SUCLG2: variants seen among roughly 807,000 people sequenced by gnomAD.
The protein encoded by SUCLG2 is succinate--CoA ligase [GDP-forming] subunit beta, mitochondrial.
A neutral mutation model predicts 47.9 loss-of-function variants in SUCLG2; 42 were observed. That is an observed-to-expected ratio of 0.88 (90% confidence interval 0.69 to 1.14). The LOEUF (loss-of-function observed/expected upper bound fraction) is 1.14. Ranked by LOEUF, SUCLG2 falls within the 50% of genes most tolerant of loss-of-function variation. The pLI is 0.00. For missense variants in SUCLG2, 571 were observed against 525.9 expected (o/e 1.09, Z -0.84); for synonymous variants, 195 against 197.3 (o/e 0.99, Z 0.10).
At chr3:67,641,995 A>G (rs573115015) in intron 1 of SUCLG2, among the ~76,000 whole-genome samples, 1 of 152,300 alleles carries the variant, frequency 6.6e-6, no homozygotes, top group East Asian at 1.9e-4. Flanking sequence ...TCTTTTTATA[A>G]AGACACCAAT....
chr3:67,528,390 C>T (rs1706312236), intron 3 of SUCLG2, among the ~76,000 whole-genome samples, 168 bp from the exon 4 acceptor site: 1 of 152,178 alleles, frequency 6.6e-6, no homozygotes, highest in Non-Finnish European at 1.5e-5. Flanking sequence ...GTACTAGAGG[C>T]TCACTGAGAG....
At chr3:67,577,057 A>C (rs1707759170) in intron 2 of SUCLG2, among the ~76,000 whole-genome samples, 1 of 152,222 alleles carries the variant, frequency 6.6e-6, no homozygotes, top group Non-Finnish European at 1.5e-5. Flanking sequence ...AGTGCTGGCC[A>C]GGTGCAGTGG....
intron 9 of SUCLG2, among the ~76,000 whole-genome samples, chr3:67,457,536 T>C (rs1445535497): frequency 6.6e-6 from 1 of 152,106 alleles, no homozygotes; most frequent in Non-Finnish European, 1.5e-5. Flanking sequence ...TATTCTACCC[T>C]CCTACTTACA....
At chr3:67,528,048 T>TG in intron 4 of SUCLG2, 84 bp downstream of exon 4, 3 of 1,233,140 alleles carry the variant, frequency 2.4e-6, no homozygotes, top group Non-Finnish European at 3.5e-6. Flanking sequence ...AGTACTTCAT[T>TG]AGATTCTGTC....
intron 10 of SUCLG2, among the ~76,000 whole-genome samples, chr3:67,389,816 C>T (rs898450139): frequency 1.3e-5 from 2 of 152,078 alleles, no homozygotes; most frequent in Non-Finnish European, 2.9e-5. Context: ...TCTATTTGAC[C>T]TGACATTACA....
At chr3:67,376,541 T>C in intron 10 of SUCLG2, 1 of 956,726 alleles carries the variant, frequency 1.0e-6, no homozygotes. Flanking sequence ...AAGTGTCTAA[T>C]GAAATATCTC....
At chr3:67,640,510 T>G (rs1002293916) in intron 1 of SUCLG2, among the ~76,000 whole-genome samples, 8 of 152,204 alleles carry the variant, frequency 5.3e-5, no homozygotes, top group Admixed American at 2.0e-4. Flanking sequence ...ACTACGATTC[T>G]TCCTAGATGA....
intron 2 of SUCLG2, among the ~76,000 whole-genome samples, chr3:67,531,525 G>T (rs532928581): frequency 3.9e-5 from 6 of 152,182 alleles, no homozygotes; most frequent in Non-Finnish European, 8.8e-5. Flanking sequence ...AATTAAACGT[G>T]TCGCCATTTG....
chr3:67,444,088 C>A (rs1218276493), intron 9 of SUCLG2, among the ~76,000 whole-genome samples: 1 of 108,104 alleles, frequency 9.3e-6, no homozygotes, highest in Non-Finnish European at 2.0e-5. Context: ...CCTGGCCAGC[C>A]GCGCCGTCCG....
chr3:67,393,301 T>C (rs369900725), intron 10 of SUCLG2, among the ~76,000 whole-genome samples: 2 of 152,130 alleles, frequency 1.3e-5, no homozygotes, highest in Non-Finnish European at 2.9e-5. Flanking sequence ...ACCTGGAAAA[T>C]CGGGTCACTC....
chr3:67,475,002 TAAA>T (rs141612730), intron 9 of SUCLG2, among the ~76,000 whole-genome samples: 2 of 142,906 alleles, frequency 1.4e-5, no homozygotes, highest in Non-Finnish European at 1.5e-5. Flanking sequence ...TTTCCTGGTC[TAAA>T]AAAAAAAAAA....
intron 9 of SUCLG2, among the ~76,000 whole-genome samples, chr3:67,437,542 A>C (rs1244690812): frequency 6.6e-6 from 1 of 152,210 alleles, no homozygotes; most frequent in Non-Finnish European, 1.5e-5. Context: ...TATTCAATAA[A>C]TAAATTATTA....
chr3:67,563,675 G>A (rs1476479480), intron 2 of SUCLG2, among the ~76,000 whole-genome samples: 1 of 152,120 alleles, frequency 6.6e-6, no homozygotes, highest in African/African-American at 2.4e-5. Flanking sequence ...AGTACTACTA[G>A]TTGGCCGGGC....
At chr3:67,649,191 T>A (rs1171269156) in intron 1 of SUCLG2, among the ~76,000 whole-genome samples, 3 of 152,190 alleles carry the variant, frequency 2.0e-5, no homozygotes, top group Non-Finnish European at 1.5e-5. Flanking sequence ...ACAGGGTAAG[T>A]GGTTGACAGA....
chr3:67,442,147 A>T (rs1345110467), intron 9 of SUCLG2, among the ~76,000 whole-genome samples: 3 of 147,116 alleles, frequency 2.0e-5, no homozygotes, highest in Admixed American at 6.8e-5. Context: ...AGTAGCTGGG[A>T]CTACAGGCGC....
intron 9 of SUCLG2, among the ~76,000 whole-genome samples, chr3:67,480,787 C>T (rs948254279): frequency 3.3e-5 from 5 of 152,100 alleles, no homozygotes; most frequent in Admixed American, 6.5e-5. Flanking sequence ...CTGGCCTGGG[C>T]GAAAGCTTAC....
intron 2 of SUCLG2, among the ~76,000 whole-genome samples, chr3:67,559,103 G>A (rs1047627041): frequency 1.3e-5 from 2 of 152,022 alleles, no homozygotes; most frequent in Admixed American, 6.5e-5. Flanking sequence ...CCTTAACTAC[G>A]TTGCTGAAAA....
chr3:67,556,122 G>A (rs1319963770), intron 2 of SUCLG2, among the ~76,000 whole-genome samples: 1 of 152,116 alleles, frequency 6.6e-6, no homozygotes, highest in Non-Finnish European at 1.5e-5. Flanking sequence ...AGAAAGACAG[G>A]GAAAGATCAA....
intron 1 of SUCLG2, among the ~76,000 whole-genome samples, chr3:67,639,423 C>T (rs1409372893): frequency 6.6e-6 from 1 of 151,964 alleles, no homozygotes; most frequent in Non-Finnish European, 1.5e-5. Context: ...TTACATGTCA[C>T]ATTAGCCATG....
Sources: gnomAD v4.1 joint callset for allele counts (sites outside exome capture counted in the v4.1 genomes callset) on GRCh38, gnomAD v4.1.1 for gene constraint, MANE v1.5 for transcripts, NCBI Gene and HGNC (gene_info 2026-07-23, HGNC 2026-07-21) for gene names.